Variants in ANKRD44 observed in about 807,000 individuals in gnomAD.
ANKRD44 encodes ankyrin repeat domain 44, also known as serine/threonine-protein phosphatase 6 regulatory ankyrin repeat subunit B.
In ANKRD44, 35 loss-of-function variants were observed where a neutral mutation model predicts 116.0. The ratio of observed to expected loss-of-function variants is 0.30; its 90% CI spans 0.23 to 0.40. The LOEUF (loss-of-function observed/expected upper bound fraction) is 0.40. Among genes scored for constraint, ANKRD44 ranks in the 10% least tolerant of loss-of-function variants. The pLI is 1.00. For missense variants in ANKRD44, 1,014 were observed against 1,242.6 expected (o/e 0.82, Z 2.77); for synonymous variants, 435 against 461.8 (o/e 0.94, Z 0.74).
rs115185724 is a variant in ANKRD44 at position 197,280,177 on chromosome 2, G to A, written c.27+30401C>T. ...AATCCTAAGAGGTGATTGCAAGGTCGGAAAATCACCTTAAGCCCCCCGGGG... is the reference window on the plus strand; with the variant it reads ...AATCCTAAGAGGTGATTGCAAGGTCAGAAAATCACCTTAAGCCCCCCGGGG... On this transcript the variant is annotated intron_variant, in intron 1 of 27. Coordinates refer to ENST00000282272, the MANE Select transcript of ANKRD44 (RefSeq NM_001195144.2). Among the ~76,000 whole-genome samples, 78 of 152,216 alleles carry A rather than the reference G, an allele frequency of 5.1e-4. 1 individual carries two copies. Among genetic ancestry groups the A allele is most frequent in the African/African-American group, 1.8e-3 (76 of 41,526 alleles).
intron 1 of ANKRD44, among the ~76,000 whole-genome samples, chr2:197,231,297 G>A (rs978313987): frequency 1.3e-5 from 2 of 152,128 alleles, no homozygotes; most frequent in Non-Finnish European, 2.9e-5. Flanking sequence ...AAGTGTGGTG[G>A]TGTGTATCTA....
At chr2:197,110,886 T>C (rs2078549157) in intron 8 of ANKRD44, 42 bp from the exon 9 acceptor site, 1 of 1,452,260 alleles carries the variant, frequency 6.9e-7, no homozygotes, top group African/African-American at 1.4e-5. Context: ...GAGGTGCTCA[T>C]GAGCCAGTGA....
intron 21 of ANKRD44, among the ~76,000 whole-genome samples, chr2:196,972,443 C>A (rs564049716): frequency 6.6e-6 from 1 of 152,138 alleles, no homozygotes; most frequent in Non-Finnish European, 1.5e-5. Context: ...CTCATGTGAC[C>A]CACCCACCTT....
intron 2 of ANKRD44, among the ~76,000 whole-genome samples, chr2:197,170,284 T>C (rs2080202029): frequency 1.3e-5 from 2 of 151,796 alleles, no homozygotes; most frequent in African/African-American, 4.8e-5. Context: ...GATTCCCTTA[T>C]GGCAGGAATT....
At chr2:197,026,106 C>A (rs1436812271) in intron 16 of ANKRD44, among the ~76,000 whole-genome samples, 1 of 148,838 alleles carries the variant, frequency 6.7e-6, no homozygotes, top group African/African-American at 2.4e-5. Flanking sequence ...TCTAGGGATT[C>A]AATCCTAATA....
chr2:197,100,809 A>C (rs902110085), intron 9 of ANKRD44, among the ~76,000 whole-genome samples: 2 of 152,176 alleles, frequency 1.3e-5, no homozygotes, highest in Non-Finnish European at 2.9e-5. Context: ...TTCTTTTAAT[A>C]ATATAGTATT....
At chr2:196,967,399 C>G (rs1199699896) in exon 22 of ANKRD44, 3 of 469,432 alleles carry the variant, frequency 6.4e-6, no homozygotes, top group Non-Finnish European at 8.9e-6. Context: ...CCTCAGGGTG[C>G]CTGTTTTGCA....
At chr2:197,129,736 A>T (rs1364543899) in intron 4 of ANKRD44, among the ~76,000 whole-genome samples, 1 of 152,246 alleles carries the variant, frequency 6.6e-6, no homozygotes, top group Non-Finnish European at 1.5e-5. Flanking sequence ...ACACTGTGGC[A>T]CATGGAAAAG....
At chr2:197,180,688 A>G (rs2080481632) in intron 2 of ANKRD44, among the ~76,000 whole-genome samples, 2 of 152,228 alleles carry the variant, frequency 1.3e-5, no homozygotes, top group African/African-American at 2.4e-5. Flanking sequence ...TGGGCTACAT[A>G]GTTTGTATTT....
intron 2 of ANKRD44, among the ~76,000 whole-genome samples, chr2:197,148,471 C>T (rs568499815): frequency 2.0e-5 from 3 of 152,298 alleles, no homozygotes; most frequent in South Asian, 4.1e-4. Context: ...TTCTTGGATT[C>T]GCTGTTGATT....
intron 1 of ANKRD44, among the ~76,000 whole-genome samples, chr2:197,290,554 T>C (rs1042883345): frequency 6.6e-6 from 1 of 152,186 alleles, no homozygotes; most frequent in African/African-American, 2.4e-5. Context: ...CAATAAGCCA[T>C]GTTCTTCACA....
At chr2:197,090,651 T>C (rs1463513714) in intron 10 of ANKRD44, among the ~76,000 whole-genome samples, 1 of 152,080 alleles carries the variant, frequency 6.6e-6, no homozygotes, top group Admixed American at 6.5e-5. Flanking sequence ...CCTGAAACTG[T>C]GCCCCAAAGT....
intron 1 of ANKRD44, among the ~76,000 whole-genome samples, chr2:197,192,702 G>C (rs7581983): frequency 0.39 from 59,279 of 152,012 alleles, 14,806 homozygotes; most frequent in African/African-American, 0.72. Flanking sequence ...CCTGCTAACT[G>C]AATTCATGTG....
At position 197,078,705 on chromosome 2, in the gene ANKRD44, A is replaced by G. The variant is rs1444701722; in HGVS notation, c.1648T>C (p.Leu550=). The G allele has an allele frequency of 1.9e-6, 3 of 1,610,386 alleles. No individual in the cohort carries two copies. The highest frequency in any genetic ancestry group is 4.5e-5 in the East Asian group (2 of 44,700). Residue 550 remains leucine, a splice_region_variant and synonymous_variant, in exon 16 of 28, where the codon TTG becomes CTG. Coordinates refer to ENST00000282272, the MANE Select transcript of ANKRD44 (RefSeq NM_001195144.2). ...GAAAACAAAACAAAACAACTCACCAATTCCAGACACTGCCTGTGCCCATAG... is the reference window on the plus strand; with the variant it reads ...GAAAACAAAACAAAACAACTCACCAGTTCCAGACACTGCCTGTGCCCATAG... The part of the protein sequence containing the change: ...AAYGHRQCLE[L]LLERTNSGFE...
At chr2:197,291,198 G>C (rs551829466) in intron 1 of ANKRD44, among the ~76,000 whole-genome samples, 1 of 152,150 alleles carries the variant, frequency 6.6e-6, no homozygotes, top group Admixed American at 6.5e-5. Flanking sequence ...AACAGAGTGA[G>C]ACCCTGTCCC....
At chr2:197,179,032 C>T (rs961391199) in intron 2 of ANKRD44, among the ~76,000 whole-genome samples, 2 of 151,602 alleles carry the variant, frequency 1.3e-5, no homozygotes, top group African/African-American at 4.9e-5. Flanking sequence ...AACCACACCA[C>T]CGCACTCCAA....
intron 21 of ANKRD44, among the ~76,000 whole-genome samples, chr2:197,002,230 C>T (rs2076126832): frequency 6.6e-6 from 1 of 152,174 alleles, no homozygotes; most frequent in African/African-American, 2.4e-5. Flanking sequence ...TTACATTATG[C>T]ATTCTAGTGG....
chr2:197,097,692 T>C (rs1326869954), intron 10 of ANKRD44, among the ~76,000 whole-genome samples: 1 of 152,220 alleles, frequency 6.6e-6, no homozygotes, highest in Non-Finnish European at 1.5e-5. Context: ...CAAGTGTTTG[T>C]AGCCTGGACT....
Position 196,986,785 on chromosome 2 carries a change from C to T in ANKRD44, c.*2806G>A. ...ATTCAGTAGTTGCAAAAGTATTAAA[C>T]TGTGCTTGAGAAGATTCAGATTGTT... is the stretch of plus-strand genomic sequence containing the variant. On this transcript the variant is annotated 3_prime_UTR_variant, in exon 28 of 28. Transcript: ENST00000282272. 1 of 985,338 alleles carries T rather than the reference C, an allele frequency of 1.0e-6. No homozygotes were observed. The allele number at this position is 985,338 out of a possible 1,614,324, so 61.0% of individuals were successfully genotyped here.
Sources: gnomAD v4.1 joint callset for allele counts (sites outside exome capture counted in the v4.1 genomes callset) on GRCh38, gnomAD v4.1.1 for gene constraint, MANE v1.5 for transcripts, NCBI Gene and HGNC (gene_info 2026-07-23, HGNC 2026-07-21) for gene names.